Variants in PDE4D observed in about 807,000 individuals in gnomAD.
PDE4D encodes phosphodiesterase 4D.
PDE4D carries 24 observed loss-of-function variants against 87.4 expected under a neutral mutation model. The observed-to-expected ratio is 0.27, with a 90% CI of 0.20 to 0.39. The LOEUF (loss-of-function observed/expected upper bound fraction) is 0.39. Among genes scored for constraint, PDE4D ranks in the 10% least tolerant of loss-of-function variants. The probability of loss-of-function intolerance (pLI) is 1.00; values close to 1 mark genes in which losing one functional copy is unlikely to be tolerated. For missense variants in PDE4D, 714 were observed against 1,041.0 expected (o/e 0.69, Z 4.32); for synonymous variants, 384 against 383.2 (o/e 1.00, Z -0.02).
chr5:60,323,744 A>G (rs1756516418), intron 1 of PDE4D, among the ~76,000 whole-genome samples: 1 of 151,694 alleles, frequency 6.6e-6, no homozygotes, highest in African/African-American at 2.4e-5. Flanking sequence ...GGCTTCAATT[A>G]GCATGATTAC....
chr5:59,501,460 A>G (rs1249700036), intron 1 of PDE4D, among the ~76,000 whole-genome samples: 16 of 152,196 alleles, frequency 1.1e-4, no homozygotes, highest in Non-Finnish European at 1.6e-4. Flanking sequence ...TGGATATTAC[A>G]CAGCAAATAC....
In PDE4D at chr5:59,922,067, A is replaced by T. The variant is rs566887505; in HGVS notation, c.272+66421T>A. On this transcript the variant is annotated intron_variant, in intron 3 of 16. Coordinates refer to the PDE4D transcript ENST00000502484. ...GGAGGGAGAGTGCAGCGACTGGGGG[A>T]CTTTGCTTTGGAACTCAGTGCTGCC... Among the ~76,000 whole-genome samples, 3 of 152,036 alleles carry T rather than the reference A, an allele frequency of 2.0e-5. No homozygotes were observed. The East Asian group carries it at 5.8e-4, about 30-fold the overall frequency.
chr5:59,052,701 T>C (rs1170137908), intron 5 of PDE4D, among the ~76,000 whole-genome samples: 2 of 152,198 alleles, frequency 1.3e-5, no homozygotes, highest in African/African-American at 2.4e-5. Context: ...AATTAACTTC[T>C]CTGTACCTCA....
intron 1 of PDE4D, among the ~76,000 whole-genome samples, chr5:59,668,839 GGAAGAGGAAGAAGAAGAAGAA>G (rs1561441143): frequency 8.5e-5 from 5 of 59,146 alleles, no homozygotes; most frequent in Non-Finnish European, 1.6e-4. Flanking sequence ...AAGAGGAAGA[GGAAGAGGAAGAAGAAGAAGAA>G]GAAGAAGAAG....
intron 2 of PDE4D, among the ~76,000 whole-genome samples, chr5:60,051,355 T>A (rs10068067): frequency 0.15 from 23,394 of 151,688 alleles, 1,824 homozygotes; most frequent in Middle Eastern, 0.23. Flanking sequence ...CAGACCACAG[T>A]GCAAATTAGA....
At chr5:59,642,182 G>A (rs1741695362) in intron 1 of PDE4D, among the ~76,000 whole-genome samples, 2 of 151,888 alleles carry the variant, frequency 1.3e-5, no homozygotes. Flanking sequence ...AAGAACTCTG[G>A]AAAAAACTAT....
At position 59,548,409 on chromosome 5, in the gene PDE4D, G is replaced by T. The variant is rs80296880; in HGVS notation, c.456-332441C>A. On this transcript the variant is annotated intron_variant, in intron 1 of 14. Transcript: ENST00000340635. ...AATTTATTTATTCATTCATTCCTTCGCTCATTCATTCAACAAATGCTTATT... is the reference window on the plus strand; with the variant it reads ...AATTTATTTATTCATTCATTCCTTCTCTCATTCATTCAACAAATGCTTATT... Among the ~76,000 whole-genome samples, 112 of 152,126 alleles carry T rather than the reference G, an allele frequency of 7.4e-4. 3 individuals carry two copies. The East Asian group carries it at 0.021, about 28-fold the overall frequency.
intron 1 of PDE4D, among the ~76,000 whole-genome samples, chr5:59,850,821 C>T (rs1160622221): frequency 3.9e-5 from 6 of 152,014 alleles, no homozygotes; most frequent in African/African-American, 2.4e-5. Flanking sequence ...GAGATGAGAA[C>T]TTGAGTAGAC....
chr5:59,231,626 T>C (rs79815419), intron 1 of PDE4D, among the ~76,000 whole-genome samples: 2 of 152,346 alleles, frequency 1.3e-5, no homozygotes, highest in South Asian at 4.1e-4. Context: ...GGGGCTTATT[T>C]GTCAGCACAA....
chr5:60,190,110 A>G (rs1785088160), intron 1 of PDE4D, among the ~76,000 whole-genome samples: 1 of 152,248 alleles, frequency 6.6e-6, no homozygotes, highest in African/African-American at 2.4e-5. Context: ...TAATAAAAAC[A>G]GGCTTAATTT....
intron 1 of PDE4D, among the ~76,000 whole-genome samples, chr5:60,403,773 C>G (rs1356219622): frequency 1.3e-5 from 2 of 152,212 alleles, no homozygotes; most frequent in Admixed American, 6.5e-5. Context: ...TGCTGTCTCT[C>G]CAGCAGGTAG....
chr5:60,276,782 C>T (rs558336357), intron 1 of PDE4D, among the ~76,000 whole-genome samples: 4 of 151,996 alleles, frequency 2.6e-5, no homozygotes, highest in African/African-American at 7.2e-5. Flanking sequence ...TCTTTTAACA[C>T]CATTTTATAA....
chr5:60,278,635 C>G (rs1169310869), intron 1 of PDE4D, among the ~76,000 whole-genome samples: 1 of 151,692 alleles, frequency 6.6e-6, no homozygotes, highest in Non-Finnish European at 1.5e-5. Flanking sequence ...TAATTTCTGT[C>G]TTCCATTTTA....
intron 1 of PDE4D, among the ~76,000 whole-genome samples, chr5:60,293,428 C>T (rs567977166): frequency 3.9e-5 from 6 of 152,134 alleles, no homozygotes; most frequent in South Asian, 2.1e-4. Context: ...GCAGGAGAAT[C>T]GCTTGAACCT....
At chr5:59,620,204 G>A (rs1407978289) in intron 1 of PDE4D, among the ~76,000 whole-genome samples, 1 of 152,156 alleles carries the variant, frequency 6.6e-6, no homozygotes, top group Non-Finnish European at 1.5e-5. Flanking sequence ...TGGCAGTATT[G>A]AGGCTCCATC....
intron 1 of PDE4D, among the ~76,000 whole-genome samples, chr5:59,471,132 C>T (rs921143813): frequency 1.3e-5 from 2 of 152,130 alleles, no homozygotes; most frequent in African/African-American, 4.8e-5. Flanking sequence ...GTGGTCATAG[C>T]TACTAGGGAG....
intron 1 of PDE4D, among the ~76,000 whole-genome samples, chr5:60,214,835 T>TA (rs1386998815): frequency 6.6e-6 from 1 of 152,182 alleles, no homozygotes; most frequent in African/African-American, 2.4e-5. Flanking sequence ...AGAAAGCTTC[T>TA]AAAGTGGAAT....
chr5:59,490,017 A>G (rs964386556), intron 1 of PDE4D, among the ~76,000 whole-genome samples: 4 of 152,190 alleles, frequency 2.6e-5, no homozygotes, highest in Non-Finnish European at 4.4e-5. Flanking sequence ...CTTAATAACA[A>G]CATTTTAATT....
chr5:59,485,210 T>TA (rs1360542687), intron 1 of PDE4D, among the ~76,000 whole-genome samples: 1 of 152,156 alleles, frequency 6.6e-6, no homozygotes, highest in African/African-American at 2.4e-5. Context: ...GAGGAACAGA[T>TA]AAAAAGATGA....
Sources: gnomAD v4.1 joint callset for allele counts (sites outside exome capture counted in the v4.1 genomes callset) on GRCh38, gnomAD v4.1.1 for gene constraint, MANE v1.5 for transcripts, NCBI Gene and HGNC (gene_info 2026-07-23, HGNC 2026-07-21) for gene names.